Variants in ZDHHC21 observed in about 807,000 individuals in gnomAD.
The protein encoded by ZDHHC21 is zDHHC palmitoyltransferase 21, also known as palmitoyltransferase ZDHHC21.
ZDHHC21 carries 15 observed loss-of-function variants against 34.6 expected under a neutral mutation model. The ratio of observed to expected loss-of-function variants is 0.43; its 90% confidence interval spans 0.29 to 0.67. The LOEUF is 0.67. Among genes scored for constraint, ZDHHC21 ranks in the 30% least tolerant of loss-of-function variants. The pLI is 0.14. For synonymous variants in ZDHHC21, 142 were observed against 101.8 expected, an observed-to-expected ratio of 1.40 and a Z score of -2.38; for missense variants, 344 against 327.7, an observed-to-expected ratio of 1.05 and a Z score of -0.38.
At chr9:14,606,215 C>T (rs866124606), downstream of ZDHHC21, among the ~76,000 whole-genome samples, 13 of 152,170 alleles carry the variant, frequency 8.5e-5, no homozygotes, top group African/African-American at 3.1e-4. Context: ...GTGACTCTGA[C>T]ACTCTTCCCA....
chr9:14,656,385 T>C (rs973201566), intron 7 of ZDHHC21, among the ~76,000 whole-genome samples: 5 of 151,982 alleles, frequency 3.3e-5, no homozygotes, highest in African/African-American at 7.2e-5. Flanking sequence ...GGAAATACTG[T>C]GGTAAAGCTC....
At chr9:14,594,518 A>C in the ZDHHC21 span, among the ~76,000 whole-genome samples, 1 of 152,194 alleles carries the variant, frequency 6.6e-6, no homozygotes, top group Non-Finnish European at 1.5e-5. Context: ...CGAAACAAAG[A>C]AAACTTAGAC....
At chr9:14,682,040 G>C (rs1455648191) in intron 2 of ZDHHC21, among the ~76,000 whole-genome samples, 1 of 152,100 alleles carries the variant, frequency 6.6e-6, no homozygotes, top group Non-Finnish European at 1.5e-5. Flanking sequence ...CCTGAAGGAA[G>C]CATTAAACAT....
chr9:14,640,528 A>G (rs568238404), intron 7 of ZDHHC21, among the ~76,000 whole-genome samples: 2 of 152,144 alleles, frequency 1.3e-5, no homozygotes, highest in Non-Finnish European at 2.9e-5. Context: ...ATAGGATCAT[A>G]AGTACAGCTC....
chr9:14,662,792 C>T (rs555999226), intron 5 of ZDHHC21, among the ~76,000 whole-genome samples: 1 of 152,032 alleles, frequency 6.6e-6, no homozygotes, highest in Admixed American at 6.6e-5. Flanking sequence ...TAAACTCATC[C>T]GAAAAACAGA....
chr9:14,633,218 T>C (rs188222112), intron 8 of ZDHHC21, among the ~76,000 whole-genome samples: 3 of 152,034 alleles, frequency 2.0e-5, no homozygotes, highest in Admixed American at 1.3e-4. Context: ...GAGAGAACAC[T>C]GGAAATCAAC....
intron 8 of ZDHHC21, among the ~76,000 whole-genome samples, chr9:14,634,347 C>A (rs963206882): frequency 6.6e-6 from 1 of 152,174 alleles, no homozygotes; most frequent in Non-Finnish European, 1.5e-5. Flanking sequence ...ACCTGCCTGG[C>A]GCATTGCTGC....
rs185018958 is a variant in ZDHHC21 at position 14,672,772 on chromosome 9, T to C, written c.253+58A>G. On this transcript the variant is annotated intron_variant, in intron 5 of 9. Coordinates refer to ENST00000380916, the MANE Select transcript of ZDHHC21 (RefSeq NM_178566.6). The stretch of plus-strand genomic sequence containing the variant: ...AATATATATTAAAGGCAATAAAATA[T>C]GTAAATAAAGACAGTAATTCTGGCA... The C allele has an allele frequency of 6.8e-5, 79 of 1,165,384 alleles. No homozygotes were observed. The African/African-American group carries it at 1.0e-3, about 15-fold the overall frequency. 72.2% of individuals were successfully genotyped at this position (1,165,384 alleles called of 1,614,324 possible). A position where few individuals can be genotyped will look rare whatever the true frequency, so the allele number is the denominator to read the frequency against.
At chr9:14,664,582 G>A (rs2133974138) in intron 5 of ZDHHC21, among the ~76,000 whole-genome samples, 1 of 150,750 alleles carries the variant, frequency 6.6e-6, no homozygotes, top group East Asian at 2.0e-4. Context: ...AAAGACAGCA[G>A]TAACCTCCAC....
At chr9:14,628,292 T>C (rs1227818196) in intron 8 of ZDHHC21, among the ~76,000 whole-genome samples, 1 of 152,160 alleles carries the variant, frequency 6.6e-6, no homozygotes, top group South Asian at 2.1e-4. Flanking sequence ...TAAAATGACA[T>C]CAGATTATCA....
chr9:14,680,021 A>G lies in ZDHHC21; in HGVS notation c.-46+12T>C, dbSNP rs1366307792. On this transcript the variant is annotated intron_variant, in intron 3 of 9. Transcript: ENST00000380916. ...AAAATATATCACCATGTAAAATCAAAAGCAAACTTACCACTTGCAAATTCA... is the reference window on the plus strand; with the variant it reads ...AAAATATATCACCATGTAAAATCAAGAGCAAACTTACCACTTGCAAATTCA... 1.3e-5 allele frequency: 2 copies of G among 152,564 alleles called. No homozygotes were observed. Among genetic ancestry groups the G allele is most frequent in the East Asian group, 3.9e-4 (2 of 5,192 alleles). 9.5% of individuals were successfully genotyped at this position (152,564 alleles called of 1,614,324 possible).
the ZDHHC21 span, among the ~76,000 whole-genome samples, chr9:14,605,584 A>T: frequency 6.6e-6 from 1 of 151,992 alleles, no homozygotes; most frequent in Non-Finnish European, 1.5e-5. Context: ...TTGTATTTTG[A>T]TTAACCTCTT....
intron 8 of ZDHHC21, among the ~76,000 whole-genome samples, chr9:14,623,094 T>A (rs1380644856): frequency 6.6e-6 from 1 of 150,518 alleles, no homozygotes; most frequent in East Asian, 2.0e-4. Context: ...ATAGAGGAAA[T>A]GCTTTAGGAC....
chr9:14,675,434 T>G (rs957794978), intron 3 of ZDHHC21, among the ~76,000 whole-genome samples: 2 of 151,902 alleles, frequency 1.3e-5, no homozygotes, highest in Non-Finnish European at 2.9e-5. Flanking sequence ...CCATTCTACA[T>G]CTACTGAATC....
At chr9:14,646,081 G>A (rs1392659335) in intron 7 of ZDHHC21, among the ~76,000 whole-genome samples, 3 of 152,110 alleles carry the variant, frequency 2.0e-5, no homozygotes, top group African/African-American at 4.8e-5. Context: ...CACATGGACA[G>A]CAGGAGGAAT....
At chr9:14,667,269 C>G (rs1206644671) in intron 5 of ZDHHC21, among the ~76,000 whole-genome samples, 13 of 147,408 alleles carry the variant, frequency 8.8e-5, no homozygotes, top group South Asian at 2.3e-4. Context: ...ATAAATTCCT[C>G]GACACATACA....
intron 7 of ZDHHC21, among the ~76,000 whole-genome samples, chr9:14,658,161 CTT>C (rs545791660): frequency 8.5e-5 from 13 of 152,116 alleles, no homozygotes; most frequent in Non-Finnish European, 1.5e-4. Flanking sequence ...AACATTTTGT[CTT>C]TGTTTTTCAT....
chr9:14,682,938 C>A (rs910944564), intron 2 of ZDHHC21, among the ~76,000 whole-genome samples: 7 of 152,190 alleles, frequency 4.6e-5, no homozygotes, highest in Non-Finnish European at 7.3e-5. Flanking sequence ...TGAGTGACTA[C>A]TAGGTACATA....
At chr9:14,681,786 C>G (rs1172326199) in intron 2 of ZDHHC21, among the ~76,000 whole-genome samples, 1 of 150,792 alleles carries the variant, frequency 6.6e-6, no homozygotes, top group Admixed American at 6.6e-5. Context: ...ACACTTAAGA[C>G]AGGAGGCATA....
Sources: allele counts gnomAD v4.1 joint callset (sites outside exome capture counted in the v4.1 genomes callset), GRCh38; gene constraint gnomAD v4.1.1; transcripts MANE v1.5; gene names NCBI Gene and HGNC (gene_info 2026-07-23, HGNC 2026-07-21).